MAP2K5: variants seen among roughly 807,000 people sequenced by gnomAD.
MAP2K5 encodes the protein dual specificity mitogen-activated protein kinase kinase 5.
Under a neutral mutation model 83.1 loss-of-function variants are expected in MAP2K5, and 49 were observed. That is an observed-to-expected ratio of 0.59 (90% CI 0.47 to 0.75). The LOEUF (loss-of-function observed/expected upper bound fraction) is 0.75. Ranked by LOEUF, MAP2K5 falls within the 30% of genes least tolerant of loss-of-function variation. The pLI is 0.00. For missense variants in MAP2K5, 457 were observed against 557.5 expected (o/e 0.82, Z 1.82); for synonymous variants, 202 against 191.8 (o/e 1.05, Z -0.44).
At chr15:67,741,841 G>C (rs2089499866) in intron 17 of MAP2K5, among the ~76,000 whole-genome samples, 1 of 152,014 alleles carries the variant, frequency 6.6e-6, no homozygotes, top group Non-Finnish European at 1.5e-5. Context: ...CATAGCTCCA[G>C]ATCATGGGCA....
chr15:67,791,746 C>T (rs943436488), intron 21 of MAP2K5, among the ~76,000 whole-genome samples: 20 of 152,098 alleles, frequency 1.3e-4, no homozygotes, highest in Admixed American at 3.9e-4. Flanking sequence ...GCTTGAAAGC[C>T]GGTTGTAGAA....
chr15:67,758,999 C>T lies in MAP2K5; in HGVS notation c.1134+10398C>T, dbSNP rs190754582. Among the ~76,000 whole-genome samples the T allele has an allele frequency of 3.9e-3, 600 of 152,250 alleles. 7 individuals carry two copies. Among genetic ancestry groups the T allele is most frequent in the African/African-American group, 0.014 (561 of 41,548 alleles). ...CAGTTTTGCTGTCTATATGAATGACCGCACATCTTTCAGTTAATTGAATTC... is the reference window on the plus strand; with the variant it reads ...CAGTTTTGCTGTCTATATGAATGACTGCACATCTTTCAGTTAATTGAATTC... On this transcript the variant is annotated intron_variant, in intron 19 of 21. Coordinates refer to ENST00000178640, the MANE Select transcript of MAP2K5 (RefSeq NM_145160.3). The surrounding 1 kb of genome is among the most constrained non-coding windows in gnomAD (Gnocchi z 4.7).
At chr15:67,763,232 A>G (rs4325504) in intron 19 of MAP2K5, among the ~76,000 whole-genome samples, 94,139 of 151,810 alleles carry the variant, frequency 0.62, 29,898 homozygotes, top group Non-Finnish European at 0.68. Flanking sequence ...TTCTATCTGC[A>G]TCATGAAATC....
In MAP2K5 at chr15:67,764,880, A is replaced by G. The variant is rs1309923736; in HGVS notation, c.1135-4722A>G. Among the ~76,000 whole-genome samples, 3 of 152,332 alleles carry G rather than the reference A, an allele frequency of 2.0e-5. No homozygotes were observed. In the East Asian group the frequency reaches 5.8e-4, roughly 29 times the overall value. ...TTATGCCAGCCTTCTCCCTTATACA[A>G]GCAGAGTTCTGCTAAGAATCTAGGC... is the stretch of plus-strand genomic sequence containing the variant. On this transcript the variant is annotated intron_variant, in intron 19 of 21. Coordinates refer to ENST00000178640, the MANE Select transcript of MAP2K5 (RefSeq NM_145160.3). The surrounding 1 kb of genome is among the most constrained non-coding windows in gnomAD (Gnocchi z 4.9).
At position 67,775,393 on chromosome 15, in the gene MAP2K5, G is replaced by A. The variant is rs562957098; in HGVS notation, c.1242+2641G>A. Among the ~76,000 whole-genome samples, 6 of 152,298 alleles carry A rather than the reference G, an allele frequency of 3.9e-5. No homozygotes were observed. The highest frequency in any genetic ancestry group is 1.4e-4 in the African/African-American group (6 of 41,552). Reference sequence around the variant, plus strand: ...ACTGCTTACATTTTGGGGAGGCCAGGATACGTTTCAGCTGCTGTGGTTTTC... The same window carrying A: ...ACTGCTTACATTTTGGGGAGGCCAGAATACGTTTCAGCTGCTGTGGTTTTC... On this transcript the variant is annotated intron_variant, in intron 21 of 21. Transcript: ENST00000178640. This position sits in a 1 kb window ranked among gnomAD's most constrained non-coding sequence, Gnocchi z 5.3.
In MAP2K5 at chr15:67,748,494, A is replaced by G; in HGVS notation, c.1102-75A>G. 7.7e-7 allele frequency: 1 copy of G among 1,300,238 alleles called. No individual in the cohort carries two copies. The allele number at this position is 1,300,238 out of a possible 1,614,324, so 80.5% of individuals were successfully genotyped here. On this transcript the variant is annotated intron_variant, in intron 18 of 21. Coordinates refer to ENST00000178640, the MANE Select transcript of MAP2K5 (RefSeq NM_145160.3). This position sits in a 1 kb window ranked among gnomAD's most constrained non-coding sequence, Gnocchi z 4.0. ...CTTGCTATATTTTATTGCATTAATG[A>G]TTTTTTCTTTCCACTCCACTGTAAA...
chr15:67,604,617 C>T (rs888640579), intron 8 of MAP2K5, among the ~76,000 whole-genome samples: 1 of 152,014 alleles, frequency 6.6e-6, no homozygotes, highest in East Asian at 1.9e-4. Context: ...CTAGGTTGGG[C>T]GGGGTGCGGT....
chr15:67,792,874 G>T (rs62015223), intron 21 of MAP2K5, among the ~76,000 whole-genome samples: 1 of 152,126 alleles, frequency 6.6e-6, no homozygotes, highest in Non-Finnish European at 1.5e-5. Flanking sequence ...GTCTGTCCCC[G>T]TGAGATCACA....
intron 19 of MAP2K5, among the ~76,000 whole-genome samples, chr15:67,754,348 T>G (rs762370227): frequency 6.6e-6 from 1 of 152,238 alleles, no homozygotes; most frequent in Non-Finnish European, 1.5e-5. Flanking sequence ...AGGATGGGCT[T>G]CAGCAGAAGA....
At chr15:67,788,994 A>G (rs1053457514) in intron 21 of MAP2K5, among the ~76,000 whole-genome samples, 1 of 151,694 alleles carries the variant, frequency 6.6e-6, no homozygotes, top group African/African-American at 2.4e-5. Context: ...AAAAAATTAC[A>G]CAGTACAGAA....
intron 9 of MAP2K5, among the ~76,000 whole-genome samples, chr15:67,632,458 T>C (rs1567323593): frequency 6.6e-6 from 1 of 152,234 alleles, no homozygotes; most frequent in Non-Finnish European, 1.5e-5. Flanking sequence ...TAAGCCTGTC[T>C]ACTTTAGATT....
intron 1 of MAP2K5, among the ~76,000 whole-genome samples, chr15:67,544,035 C>T (rs986217309): frequency 7.9e-5 from 12 of 152,224 alleles, no homozygotes; most frequent in African/African-American, 2.9e-4. Context: ...CTCAGCCTCC[C>T]AAGTAGCTGG....
chr15:67,693,074 C>T (rs919977205), intron 14 of MAP2K5, among the ~76,000 whole-genome samples: 3 of 152,150 alleles, frequency 2.0e-5, no homozygotes, highest in African/African-American at 7.2e-5. Flanking sequence ...AAGACCAAAG[C>T]GAAGGTCATC....
intron 13 of MAP2K5, among the ~76,000 whole-genome samples, chr15:67,686,144 C>T (rs1225461029): frequency 1.3e-5 from 2 of 152,030 alleles, no homozygotes; most frequent in African/African-American, 4.8e-5. Context: ...TGAACCCAGC[C>T]ATATCAATAA....
At chr15:67,713,986 A>T (rs1180437014) in intron 16 of MAP2K5, among the ~76,000 whole-genome samples, 6 of 152,200 alleles carry the variant, frequency 3.9e-5, no homozygotes, top group Non-Finnish European at 2.9e-5. Flanking sequence ...TCCAAGTGTC[A>T]GTTTCTTATG....
chr15:67,739,344 ATT>A (rs1485268008), intron 17 of MAP2K5, among the ~76,000 whole-genome samples: 1 of 140,420 alleles, frequency 7.1e-6, no homozygotes, highest in Non-Finnish European at 1.5e-5. Context: ...TCCATGACTT[ATT>A]TTGTTTAAAT....
At chr15:67,581,575 A>G (rs1279168993) in intron 4 of MAP2K5, among the ~76,000 whole-genome samples, 1 of 152,256 alleles carries the variant, frequency 6.6e-6, no homozygotes, top group Admixed American at 6.5e-5. Context: ...ACAGATAAGG[A>G]AATTCTCTAA....
intron 16 of MAP2K5, among the ~76,000 whole-genome samples, chr15:67,710,006 A>G (rs7163007): frequency 0.017 from 2,615 of 152,280 alleles, 88 homozygotes; most frequent in African/African-American, 0.06. Context: ...AGACTTTTCT[A>G]TAGGAGTCAG....
chr15:67,585,851 C>T, intron 4 of MAP2K5, 39 bp from the exon 5 acceptor site: 2 of 1,584,298 alleles, frequency 1.3e-6, no homozygotes, highest in Non-Finnish European at 1.7e-6. Context: ...TTGTAAATGG[C>T]CCTGATGTGT....
Sources: allele counts gnomAD v4.1 joint callset (sites outside exome capture counted in the v4.1 genomes callset), GRCh38; gene constraint gnomAD v4.1.1; non-coding constraint Gnocchi (gnomAD v3.1); transcripts MANE v1.5; gene names NCBI Gene and HGNC (gene_info 2026-07-23, HGNC 2026-07-21).